The following CNTNAP2 variants were observed in gnomAD, a reference collection of about 807,000 sequenced individuals.
The protein encoded by CNTNAP2 is contactin-associated protein-like 2.
CNTNAP2 carries 98 observed loss-of-function variants against 155.2 expected under a neutral mutation model. The observed-to-expected ratio is 0.63, with a 90% confidence interval of 0.54 to 0.75. The LOEUF is 0.75. Among genes scored for constraint, CNTNAP2 ranks in the 30% least tolerant of loss-of-function variants. The probability of loss-of-function intolerance (pLI) is 0.00; values close to 1 mark genes in which losing one functional copy is unlikely to be tolerated. For missense variants in CNTNAP2, 1,727 were observed against 1,688.1 expected (o/e 1.02, Z -0.40); for synonymous variants, 651 against 631.2 (o/e 1.03, Z -0.47).
At chr7:147,700,984 G>A (rs184513193) in intron 13 of CNTNAP2, among the ~76,000 whole-genome samples, 240 of 152,282 alleles carry the variant, frequency 1.6e-3, no homozygotes, top group Non-Finnish European at 2.6e-3. Context: ...GAAGCTAAGA[G>A]GATGGATGGC....
chr7:148,268,766 T>C (rs928183957), intron 21 of CNTNAP2, among the ~76,000 whole-genome samples: 1 of 152,136 alleles, frequency 6.6e-6, no homozygotes, highest in South Asian at 2.1e-4. Flanking sequence ...CACAATTGTA[T>C]GAGGTAGTTA....
At chr7:148,342,820 CTAT>C (rs1798258347) in intron 21 of CNTNAP2, among the ~76,000 whole-genome samples, 1 of 152,206 alleles carries the variant, frequency 6.6e-6, no homozygotes, top group Non-Finnish European at 1.5e-5. Flanking sequence ...GAAACAAAAA[CTAT>C]TTCAGTGAAA....
rs574156945 is a variant in CNTNAP2 at position 148,412,993 on chromosome 7, T to G, written c.3797-2424T>G. 2.0e-5 allele frequency among the ~76,000 whole-genome samples: 3 copies of G among 152,344 alleles called. No homozygotes were observed. In the South Asian group the frequency reaches 6.2e-4, roughly 32 times the overall value. ...GCTTAATGTGGTAAATCACATTGCT[T>G]TATTTTTTAATGTTAAACCAAACTT... On this transcript the variant is annotated intron_variant, in intron 23 of 23. Transcript: ENST00000361727.
intron 1 of CNTNAP2, among the ~76,000 whole-genome samples, chr7:146,558,903 T>A (rs1447686800): frequency 2.0e-5 from 3 of 152,222 alleles, no homozygotes; most frequent in African/African-American, 7.2e-5. Context: ...ACAAGATTCA[T>A]CTCTGTTGCC....
chr7:147,222,856 A>C (rs1368792555), intron 8 of CNTNAP2, among the ~76,000 whole-genome samples: 1 of 116,642 alleles, frequency 8.6e-6, no homozygotes, highest in Non-Finnish European at 1.7e-5. Context: ...GTGGGACAGG[A>C]TGGTTACATT....
chr7:147,202,519 C>T (rs777988573), intron 8 of CNTNAP2, among the ~76,000 whole-genome samples: 17 of 152,102 alleles, frequency 1.1e-4, no homozygotes, highest in Non-Finnish European at 1.9e-4. Flanking sequence ...AACCATTGAT[C>T]AAAAATTAAT....
chr7:148,159,623 C>T (rs1413485265), intron 17 of CNTNAP2, among the ~76,000 whole-genome samples: 1 of 152,184 alleles, frequency 6.6e-6, no homozygotes, highest in Non-Finnish European at 1.5e-5. Context: ...TATGTGCATT[C>T]TCTGCCACCT....
chr7:147,726,037 G>A (rs558641535), intron 13 of CNTNAP2, among the ~76,000 whole-genome samples: 13 of 151,970 alleles, frequency 8.6e-5, no homozygotes, highest in South Asian at 2.1e-4. Context: ...ATGATTTCTC[G>A]TATAAAAAGG....
intron 12 of CNTNAP2, among the ~76,000 whole-genome samples, chr7:147,614,869 T>G (rs966721167): frequency 6.6e-6 from 1 of 151,810 alleles, no homozygotes; most frequent in Non-Finnish European, 1.5e-5. Context: ...CTTTTCTTAA[T>G]GTACTATGTT....
At chr7:148,156,030 A>G (rs1056661601) in intron 17 of CNTNAP2, among the ~76,000 whole-genome samples, 2 of 152,198 alleles carry the variant, frequency 1.3e-5, no homozygotes, top group Non-Finnish European at 2.9e-5. Context: ...GAGAGACTGA[A>G]GTTGACAGGC....
chr7:146,246,213 TA>T, intron 1 of CNTNAP2, among the ~76,000 whole-genome samples: 1 of 150,742 alleles, frequency 6.6e-6, no homozygotes, highest in Non-Finnish European at 1.5e-5. Flanking sequence ...GGAGTAGAAG[TA>T]TCTTATACTT....
chr7:146,488,519 CA>C (rs900976539), intron 1 of CNTNAP2, among the ~76,000 whole-genome samples: 2 of 151,998 alleles, frequency 1.3e-5, no homozygotes, highest in African/African-American at 4.8e-5. Flanking sequence ...TACGCTACCA[CA>C]AAAGCTTCTC....
chr7:147,374,684 C>A (rs1446390575), intron 9 of CNTNAP2, among the ~76,000 whole-genome samples: 6 of 152,068 alleles, frequency 3.9e-5, no homozygotes, highest in South Asian at 2.1e-4. Context: ...TATGCTTCCT[C>A]CAGAGGAGGA....
chr7:147,081,921 G>T (rs1234750018), intron 4 of CNTNAP2: 3 of 152,156 alleles, frequency 2.0e-5, no homozygotes, highest in Admixed American at 2.0e-4. Flanking sequence ...CGATTTGTAT[G>T]CTGGTGCTCT....
At chr7:147,095,921 C>T (rs1023653173) in intron 4 of CNTNAP2, among the ~76,000 whole-genome samples, 1 of 152,150 alleles carries the variant, frequency 6.6e-6, no homozygotes, top group African/African-American at 2.4e-5. Flanking sequence ...CAGCTTCTCC[C>T]TTCATATGGG....
chr7:148,047,669 G>C (rs1802798879), intron 15 of CNTNAP2, among the ~76,000 whole-genome samples: 1 of 152,230 alleles, frequency 6.6e-6, no homozygotes, highest in African/African-American at 2.4e-5. Context: ...GGGATCATGA[G>C]TGTTATGCCA....
At chr7:146,978,572 A>G (rs967698748) in intron 3 of CNTNAP2, among the ~76,000 whole-genome samples, 1 of 151,960 alleles carries the variant, frequency 6.6e-6, no homozygotes, top group African/African-American at 2.4e-5. Context: ...TTCAGTCCTC[A>G]TTGTGTTCTC....
At chr7:146,997,683 G>A (rs990615008) in intron 3 of CNTNAP2, among the ~76,000 whole-genome samples, 10 of 152,012 alleles carry the variant, frequency 6.6e-5, no homozygotes, top group African/African-American at 2.2e-4. Context: ...GAGGTCCTGG[G>A]CTTTTTACTG....
intron 10 of CNTNAP2, among the ~76,000 whole-genome samples, chr7:147,427,872 T>G (rs62481225): frequency 0.016 from 2,381 of 152,284 alleles, 23 homozygotes; most frequent in Non-Finnish European, 0.026. Context: ...TGTTTGTTTA[T>G]GATGGCTTTT....
Sources: gnomAD v4.1 joint callset for allele counts (sites outside exome capture counted in the v4.1 genomes callset) on GRCh38, gnomAD v4.1.1 for gene constraint, MANE v1.5 for transcripts, NCBI Gene and HGNC (gene_info 2026-07-23, HGNC 2026-07-21) for gene names.